CXCR6: variants seen among roughly 807,000 people sequenced by gnomAD.
CXCR6 encodes C-X-C chemokine receptor type 6.
CXCR6 carries 3 observed loss-of-function variants against 1.6 expected under a neutral mutation model. The observed-to-expected ratio is 1.83, with a 90% CI of 0.83 to 4.72. The LOEUF is 4.72. CXCR6 is among the 30% of genes most tolerant of loss of function. The probability of loss-of-function intolerance (pLI) is 0.02; values close to 1 mark genes in which losing one functional copy is unlikely to be tolerated. For synonymous variants in CXCR6, 171 were observed against 159.2 expected (o/e 1.07, Z -0.56); for missense variants, 326 against 414.8 (o/e 0.79, Z 1.86).
At position 45,947,078 on chromosome 3, in the gene CXCR6, GTTC is replaced by G. The variant is rs750837705; in HGVS notation, c.603_605del (p.Phe201del). The G allele has an allele frequency of 4.2e-5, 68 of 1,614,092 alleles. No individual in the cohort carries two copies. The highest frequency in any genetic ancestry group is 5.5e-5 in the Non-Finnish European group (65 of 1,180,050). On this transcript the variant is annotated inframe_deletion, in exon 2 of 2. Coordinates refer to ENST00000304552, the MANE Select transcript of CXCR6 (RefSeq NM_006564.2). ...TTCTTGCCACCCAGATGACACTGGG[GTTC>G]TTCTTGCCACTGCTCACCATGATTG...
At chr3:45,943,953 G>C (rs1030412954) in intron 1 of CXCR6, among the ~76,000 whole-genome samples, 2 of 152,032 alleles carry the variant, frequency 1.3e-5, no homozygotes, top group African/African-American at 4.8e-5. Context: ...ACATACTACT[G>C]TAGAAACTTT....
rs1704767574 is a variant in CXCR6, at chr3:45,948,282, C to T, written c.*772C>T. ...GTAAATGTATATACCCACACACATA[C>T]ACACATATGTCATATATTACTAGCA... On this transcript the variant is annotated 3_prime_UTR_variant, in exon 2 of 2. Transcript: ENST00000304552. 1 of 166,886 alleles carries T rather than the reference C, an allele frequency of 6.0e-6. No homozygotes were observed. Among genetic ancestry groups the T allele is most frequent in the African/African-American group, 2.4e-5 (1 of 41,452 alleles). 10.3% of individuals were successfully genotyped at this position (166,886 alleles called of 1,614,324 possible).
At position 45,947,193 on chromosome 3, in the gene CXCR6, G is replaced by C; in HGVS notation, c.712G>C (p.Ala238Pro). 3 of 1,614,130 alleles carry C rather than the reference G, an allele frequency of 1.9e-6. No homozygotes were observed. The highest frequency in any genetic ancestry group is 2.5e-6 in the Non-Finnish European group (3 of 1,180,020). The part of the protein sequence containing the change: ...RSLKIIFLVM[A>P]VFLLTQMPFN... Reference sequence around the variant, plus strand: ...TCTAAAGATCATCTTCCTGGTGATGGCTGTGTTCCTGCTGACCCAGATGCC... The same window carrying C: ...TCTAAAGATCATCTTCCTGGTGATGCCTGTGTTCCTGCTGACCCAGATGCC... Residue 238 changes from alanine (A) to proline (P), a missense_variant, in exon 2 of 2, where the codon GCT becomes CCT. By Grantham distance (27) the Ala-to-Pro change is conservative. Coordinates refer to ENST00000304552, the MANE Select transcript of CXCR6 (RefSeq NM_006564.2).
chr3:45,946,692 G>GTA lies in CXCR6; in HGVS notation c.212_213insAT (p.Asn72Ter). On this transcript the variant is annotated frameshift_variant, in exon 2 of 2. Transcript: ENST00000304552. LOFTEE classifies it low-confidence loss of function (END_TRUNC). ...GCAGAGCCTGACGGATGTGTTCCTG[G>GTA]TGAACCTACCCCTGGCTGACCTGGT... 1 of 1,614,206 alleles carries GTA rather than the reference G, an allele frequency of 6.2e-7. No homozygotes were observed. The highest frequency in any genetic ancestry group is 8.5e-7 in the Non-Finnish European group (1 of 1,180,030).
In CXCR6 at chr3:45,946,826, G is replaced by T; in HGVS notation, c.345G>T (p.Thr115=). Residue 115 remains threonine, a synonymous_variant, in exon 2 of 2, where the codon ACG becomes ACT. Coordinates refer to ENST00000304552, the MANE Select transcript of CXCR6 (RefSeq NM_006564.2). The stretch of plus-strand genomic sequence containing the variant: ...GCATCTACACTATTAACTTCTACAC[G>T]TCCATGCTCATCCTCACCTGCATCA... ...LLGIYTINFY[T]SMLILTCITV... 6.2e-7 allele frequency: 1 copy of T among 1,614,148 alleles called. No homozygotes were observed. The highest frequency in any genetic ancestry group is 8.5e-7 in the Non-Finnish European group (1 of 1,180,030).
intron 1 of CXCR6, 90 bp from the exon 2 acceptor site, chr3:45,946,370 AT>A: frequency 1.1e-6 from 1 of 906,072 alleles, no homozygotes; most frequent in South Asian, 1.6e-5. Flanking sequence ...GAAGATGACT[AT>A]TTGCCCCCTA....
At position 45,947,599 on chromosome 3, in the gene CXCR6, T is replaced by C; in HGVS notation, c.*89T>C. The C allele has an allele frequency of 9.9e-7, 1 of 1,007,524 alleles. No individual in the cohort carries two copies. The highest frequency in any genetic ancestry group is 2.4e-5 in the East Asian group (1 of 41,722). The allele number at this position is 1,007,524 out of a possible 1,614,324, so 62.4% of individuals were successfully genotyped here. A position where few individuals can be genotyped will look rare whatever the true frequency, so the allele number is the denominator to read the frequency against. On this transcript the variant is annotated 3_prime_UTR_variant, in exon 2 of 2. Coordinates refer to ENST00000304552, the MANE Select transcript of CXCR6 (RefSeq NM_006564.2). ...TGGTGAGGCAGGCTTTGTTTATAGCTTGCGCATTCTCATGGAGAAGTTATC... is the reference window on the plus strand; with the variant it reads ...TGGTGAGGCAGGCTTTGTTTATAGCCTGCGCATTCTCATGGAGAAGTTATC...
At chr3:45,944,627 C>T (rs1704465109) in intron 1 of CXCR6, among the ~76,000 whole-genome samples, 1 of 152,030 alleles carries the variant, frequency 6.6e-6, no homozygotes, top group Non-Finnish European at 1.5e-5. Context: ...ATTTTTCATA[C>T]TCTATTTGCA....
intron 1 of CXCR6, 67 bp from the exon 2 acceptor site, chr3:45,946,394 G>T: frequency 8.3e-7 from 1 of 1,200,036 alleles, no homozygotes. Context: ...TGTGGTCAAT[G>T]GGATAGCAGG....
chr3:45,943,251 C>T (rs57269065), upstream of CXCR6, among the ~76,000 whole-genome samples: 31 of 152,198 alleles, frequency 2.0e-4, no homozygotes, highest in East Asian at 1.2e-3. Context: ...CTTTAGTTTA[C>T]GAATAAAGCT....
upstream of CXCR6, among the ~76,000 whole-genome samples, chr3:45,942,996 G>A (rs1390188679): frequency 6.6e-6 from 1 of 152,138 alleles, no homozygotes; most frequent in Non-Finnish European, 1.5e-5. Flanking sequence ...TTTTGGCTAT[G>A]GTCCTCAGTG....
chr3:45,947,732 G>A lies in CXCR6; in HGVS notation c.*222G>A, dbSNP rs1704725605. The A allele has an allele frequency of 1.8e-6, 1 of 548,900 alleles. No individual in the cohort carries two copies. 34.0% of individuals were successfully genotyped at this position (548,900 alleles called of 1,614,324 possible). On this transcript the variant is annotated 3_prime_UTR_variant, in exon 2 of 2. Coordinates refer to ENST00000304552, the MANE Select transcript of CXCR6 (RefSeq NM_006564.2). ...AAGTAGGGGGTCTAAAATTTTTAAG[G>A]ACTTTCCTTCCTCCATCTCCAAGAA...
At chr3:45,943,394 G>T (rs1704364350), upstream of CXCR6, 1 of 152,192 alleles carries the variant, frequency 6.6e-6, no homozygotes, top group African/African-American at 2.4e-5. Context: ...TGAAGGACGG[G>T]AGTAGGGGGT....
At position 45,948,252 on chromosome 3, in the gene CXCR6, C is replaced by T. The variant is rs1034721433; in HGVS notation, c.*742C>T. 5 of 166,996 alleles carry T rather than the reference C, an allele frequency of 3.0e-5. No homozygotes were observed. The highest frequency in any genetic ancestry group is 7.3e-5 in the Non-Finnish European group (5 of 68,136). The allele number at this position is 166,996 out of a possible 1,614,324, so 10.3% of individuals were successfully genotyped here. ...AATTTTCCAATGTCTGCCACACAAACGTATGTAAATGTATATACCCACACA... is the reference window on the plus strand; with the variant it reads ...AATTTTCCAATGTCTGCCACACAAATGTATGTAAATGTATATACCCACACA... On this transcript the variant is annotated 3_prime_UTR_variant, in exon 2 of 2. Coordinates refer to ENST00000304552, the MANE Select transcript of CXCR6 (RefSeq NM_006564.2).
Position 45,946,834 on chromosome 3 carries a change from T to C in CXCR6, c.353T>C (p.Leu118Pro). The C allele has an allele frequency of 6.2e-7, 1 of 1,614,230 alleles. No individual in the cohort carries two copies. The highest frequency in any genetic ancestry group is 1.1e-5 in the South Asian group (1 of 91,084). Reference sequence around the variant, plus strand: ...ACTATTAACTTCTACACGTCCATGCTCATCCTCACCTGCATCACTGTGGAT... The same window carrying C: ...ACTATTAACTTCTACACGTCCATGCCCATCCTCACCTGCATCACTGTGGAT... ...IYTINFYTSM[L>P]ILTCITVDRF... is the part of the protein sequence containing the mutation. Residue 118 changes from leucine (L) to proline (P), a missense_variant, in exon 2 of 2, where the codon CTC becomes CCC. Transcript: ENST00000304552.
At chr3:45,943,131 C>T (rs1704338164), upstream of CXCR6, among the ~76,000 whole-genome samples, 2 of 152,198 alleles carry the variant, frequency 1.3e-5, no homozygotes, top group Non-Finnish European at 2.9e-5. Flanking sequence ...AGCATTGGCC[C>T]AGACCCTAAC....
Position 45,947,475 on chromosome 3 carries a change from C to A in CXCR6, c.994C>A (p.His332Asn). The change falls in exon 2 of 2, where the codon CAC (histidine) becomes AAC (asparagine). Residue 332 changes from histidine (H) to asparagine (N), a missense_variant. His to Asn is a moderately conservative substitution (Grantham distance 68, BLOSUM62 1). Coordinates refer to ENST00000304552, the MANE Select transcript of CXCR6 (RefSeq NM_006564.2). Reference protein sequence around the residue: ...EDNSKTFSASHNVEATSMFQL With the variant: ...EDNSKTFSASNNVEATSMFQL ...CAATTCCAAGACTTTTTCTGCCTCCCACAATGTGGAGGCCACCAGCATGTT... is the reference window on the plus strand; with the variant it reads ...CAATTCCAAGACTTTTTCTGCCTCCAACAATGTGGAGGCCACCAGCATGTT... 1.9e-6 allele frequency: 3 copies of A among 1,613,904 alleles called. No individual in the cohort carries two copies. Among genetic ancestry groups the A allele is most frequent in the Non-Finnish European group, 2.5e-6 (3 of 1,179,780 alleles).
chr3:45,942,554 C>T (rs901538582), upstream of CXCR6, among the ~76,000 whole-genome samples: 1 of 152,212 alleles, frequency 6.6e-6, no homozygotes, highest in Non-Finnish European at 1.5e-5. Flanking sequence ...AAGAAGGCAG[C>T]TGCTTCTGGG....
chr3:45,946,266 A>G (rs1704595232), intron 1 of CXCR6, 195 bp from the exon 2 acceptor site: 1 of 525,158 alleles, frequency 1.9e-6, no homozygotes, highest in Non-Finnish European at 3.4e-6. Flanking sequence ...GCTAATGGAG[A>G]GTCCTCATCC....
Sources: allele counts gnomAD v4.1 joint callset (sites outside exome capture counted in the v4.1 genomes callset), GRCh38; gene constraint gnomAD v4.1.1; transcripts MANE v1.5; gene names NCBI Gene and HGNC (gene_info 2026-07-23, HGNC 2026-07-21).